TTBK2: variants seen among roughly 807,000 people sequenced by gnomAD.
TTBK2 encodes tau tubulin kinase 2.
Under a neutral mutation model 110.8 loss-of-function variants are expected in TTBK2, and 28 were observed. The ratio of observed to expected loss-of-function variants is 0.25; its 90% confidence interval spans 0.19 to 0.35. The LOEUF is 0.35. Ranked by LOEUF, TTBK2 falls within the 10% of genes least tolerant of loss-of-function variation. The pLI is 1.00. For missense variants in TTBK2, 1,369 were observed against 1,500.3 expected (o/e 0.91, Z 1.45); for synonymous variants, 532 against 527.3 (o/e 1.01, Z -0.12).
chr15:42,886,626 C>T (rs1895258171), intron 1 of TTBK2, among the ~76,000 whole-genome samples: 1 of 152,186 alleles, frequency 6.6e-6, no homozygotes, highest in East Asian at 1.9e-4. Flanking sequence ...AACCCCACAA[C>T]AGGACCTAAT....
At chr15:42,846,828 G>A (rs910286320) in intron 3 of TTBK2, among the ~76,000 whole-genome samples, 25 of 152,052 alleles carry the variant, frequency 1.6e-4, no homozygotes, top group Non-Finnish European at 2.9e-5. Flanking sequence ...TGAGTGGGAG[G>A]GGCTAGAGAT....
intron 1 of TTBK2, among the ~76,000 whole-genome samples, chr15:42,904,763 T>G (rs990681488): frequency 6.6e-6 from 1 of 152,206 alleles, no homozygotes; most frequent in Non-Finnish European, 1.5e-5. Flanking sequence ...TGAAGACCCA[T>G]ATCATAATGA....
chr15:42,795,252 C>T (rs1890884872), intron 9 of TTBK2, among the ~76,000 whole-genome samples: 1 of 143,222 alleles, frequency 7.0e-6, no homozygotes, highest in African/African-American at 2.8e-5. Context: ...ATTGTGCTTT[C>T]CTTCATTTTT....
chr15:42,891,536 A>C (rs546607129), intron 1 of TTBK2, among the ~76,000 whole-genome samples: 15 of 152,154 alleles, frequency 9.9e-5, no homozygotes, highest in African/African-American at 2.2e-4. Flanking sequence ...AAGAAAAAAA[A>C]AAACAAACTC....
chr15:42,868,862 A>AAAATAAATAAAT (rs138092138), intron 3 of TTBK2, among the ~76,000 whole-genome samples: 7 of 146,112 alleles, frequency 4.8e-5, no homozygotes, highest in Admixed American at 6.8e-5. Flanking sequence ...CCTTGTCTCA[A>AAAATAAATAAAT]AAATAAATAA....
intron 3 of TTBK2, among the ~76,000 whole-genome samples, chr15:42,866,862 C>T (rs946498114): frequency 6.6e-6 from 1 of 152,108 alleles, no homozygotes; most frequent in African/African-American, 2.4e-5. Flanking sequence ...CTATTTCACA[C>T]TAAATAAAAA....
At chr15:42,800,099 A>AAAAT (rs1595923247) in intron 9 of TTBK2, among the ~76,000 whole-genome samples, 2 of 152,042 alleles carry the variant, frequency 1.3e-5, no homozygotes, top group African/African-American at 4.8e-5. Flanking sequence ...ACCCTGTCTC[A>AAAAT]AAATAAATAA....
intron 1 of TTBK2, among the ~76,000 whole-genome samples, chr15:42,901,610 G>A (rs1383676472): frequency 1.3e-4 from 19 of 142,916 alleles, no homozygotes; most frequent in African/African-American, 2.1e-4. Context: ...GCGAGACCTC[G>A]TCTCTAAAAA....
At chr15:42,792,663 C>T (rs1364986848) in intron 10 of TTBK2, among the ~76,000 whole-genome samples, 3 of 152,014 alleles carry the variant, frequency 2.0e-5, no homozygotes, top group African/African-American at 7.3e-5. Context: ...TTTCATCTTC[C>T]CCACAGTTTT....
chr15:42,826,821 A>T (rs1892556127), intron 6 of TTBK2, among the ~76,000 whole-genome samples: 1 of 152,188 alleles, frequency 6.6e-6, no homozygotes, highest in Non-Finnish European at 1.5e-5. Context: ...TTTTTAACAA[A>T]CCTAAAAGCC....
chr15:42,799,884 TA>T (rs1470801395), intron 9 of TTBK2, among the ~76,000 whole-genome samples: 1 of 152,020 alleles, frequency 6.6e-6, no homozygotes, highest in Non-Finnish European at 1.5e-5. Context: ...AGATACAAAG[TA>T]ATAAAAGTCA....
intron 14 of TTBK2, among the ~76,000 whole-genome samples, chr15:42,747,674 G>A (rs1256804935): frequency 6.6e-6 from 1 of 152,210 alleles, no homozygotes; most frequent in Non-Finnish European, 1.5e-5. Flanking sequence ...GCCCTGGGGT[G>A]GGGAGGGCCT....
intron 7 of TTBK2, among the ~76,000 whole-genome samples, chr15:42,814,515 T>C (rs1891859514): frequency 6.6e-6 from 1 of 152,088 alleles, no homozygotes; most frequent in Non-Finnish European, 1.5e-5. Context: ...AGTTCAAGGT[T>C]ATAGTAAGCT....
At chr15:42,857,423 G>A (rs1893987147) in intron 3 of TTBK2, 1 of 152,076 alleles carries the variant, frequency 6.6e-6, no homozygotes, top group African/African-American at 2.4e-5. Context: ...AAGAGGCTGA[G>A]ACAGAAGGAT....
intron 14 of TTBK2, among the ~76,000 whole-genome samples, chr15:42,751,754 G>A (rs544649492): frequency 8.5e-5 from 13 of 152,076 alleles, no homozygotes; most frequent in African/African-American, 3.1e-4. Context: ...AAAAACAAAC[G>A]AAACAAAAGA....
At chr15:42,748,750 A>G (rs983010099) in intron 14 of TTBK2, among the ~76,000 whole-genome samples, 1 of 152,106 alleles carries the variant, frequency 6.6e-6, no homozygotes, top group Non-Finnish European at 1.5e-5. Context: ...ACCTCCCAAT[A>G]TTTTCCCCTC....
intron 1 of TTBK2, among the ~76,000 whole-genome samples, chr15:42,916,501 A>G (rs2031089822): frequency 6.6e-6 from 1 of 151,982 alleles, no homozygotes; most frequent in Non-Finnish European, 1.5e-5. Context: ...TAATTTTTCT[A>G]TTTTTAGTTG....
intron 5 of TTBK2, among the ~76,000 whole-genome samples, chr15:42,828,674 G>C (rs1892630024): frequency 6.7e-6 from 1 of 148,430 alleles, no homozygotes; most frequent in Non-Finnish European, 1.5e-5. Context: ...AGTGAGTTGA[G>C]ATTGCGCCAC....
intron 13 of TTBK2, among the ~76,000 whole-genome samples, chr15:42,763,093 T>TATATATATACGTATATATATATATACAC (rs1419922273): frequency 2.4e-5 from 3 of 122,740 alleles, no homozygotes; most frequent in Non-Finnish European, 4.8e-5. Flanking sequence ...TTTATATATA[T>TATATATATACGTATATATATATATACAC]ATATATATAC....
Sources: gnomAD v4.1 joint callset for allele counts (sites outside exome capture counted in the v4.1 genomes callset) on GRCh38, gnomAD v4.1.1 for gene constraint, MANE v1.5 for transcripts, NCBI Gene and HGNC (gene_info 2026-07-23, HGNC 2026-07-21) for gene names.